ZFP14: variants seen among roughly 807,000 people sequenced by gnomAD.
ZFP14 encodes zinc finger protein 14 homolog.
ZFP14 carries 22 observed loss-of-function variants against 54.5 expected under a neutral mutation model. That is an observed-to-expected ratio of 0.40 (90% CI 0.29 to 0.58). ZFP14 has a LOEUF of 0.58. ZFP14 is among the 20% of genes least tolerant of loss of function. The pLI is 0.39. For synonymous variants in ZFP14, 159 were observed against 204.0 expected (o/e 0.78, Z 1.88); for missense variants, 470 against 637.8 (o/e 0.74, Z 2.83).
At chr19:36,346,137 T>C (rs1266715929) in intron 4 of ZFP14, among the ~76,000 whole-genome samples, 1 of 151,832 alleles carries the variant, frequency 6.6e-6, no homozygotes, top group East Asian at 1.9e-4. Context: ...TACAAAAAAT[T>C]AGCCAGGCAT....
intron 1 of ZFP14, among the ~76,000 whole-genome samples, chr19:36,368,853 A>AT (rs370601085): frequency 1.8e-3 from 277 of 151,364 alleles, no homozygotes; most frequent in African/African-American, 6.5e-3. Flanking sequence ...TTATTGATTA[A>AT]TTTTTTTTTA....
chr19:36,360,512 T>A lies in ZFP14; in HGVS notation c.158A>T (p.Asp53Val). The change falls in exon 4 of 5, where the codon GAT becomes GTT. Residue 53 changes from aspartate to valine, a missense_variant. Physicochemically the swap from Asp to Val is radical, Grantham distance 152 (BLOSUM62 -3). Coordinates refer to ENST00000270001, the MANE Select transcript of ZFP14 (RefSeq NM_020917.3). ...TTCTTCATCCAATAAGGTAATCACA[T>A]CTGGTTTAGAAATGGAAGGTCCTGC... The part of the protein sequence containing the change: ...ISLGPSISKP[D>V]VITLLDEERK... 3.1e-6 allele frequency: 5 copies of A among 1,613,280 alleles called. No individual in the cohort carries two copies. Among genetic ancestry groups the A allele is most frequent in the Non-Finnish European group, 4.2e-6 (5 of 1,179,562 alleles).
rs778843600 is a variant in ZFP14 at position 36,341,503 on chromosome 19, C to T, written c.323G>A (p.Arg108Lys). ...IYSFQWDIME[R>K]IKSYSLQGSI... ...ACCCTGAAGGCTATAGCTTTTAATT[C>T]TTTCCATTATATCCCACTGAAATGA... Residue 108 changes from arginine (R) to lysine (K), a missense_variant, in exon 5 of 5, where the codon AGA (arginine) becomes AAA (lysine). Transcript: ENST00000270001. This position sits in a 1 kb window ranked among gnomAD's most constrained non-coding sequence, Gnocchi z 4.2. 61 of 1,613,318 alleles carry T rather than the reference C, an allele frequency of 3.8e-5. No homozygotes were observed. The highest frequency in any genetic ancestry group is 4.8e-5 in the Non-Finnish European group (57 of 1,179,894).
At position 36,364,994 on chromosome 19, in the gene ZFP14, C is replaced by CTTTTTTTT. The variant is rs398034482; in HGVS notation, c.10-2764_10-2757dup. Among the ~76,000 whole-genome samples, 46 of 61,986 alleles carry CTTTTTTTT rather than the reference C, an allele frequency of 7.4e-4. 1 individual carries two copies. Among genetic ancestry groups the CTTTTTTTT allele is most frequent in the East Asian group, 1.6e-3 (3 of 1,926 alleles). 40.7% of individuals were successfully genotyped at this position (61,986 alleles called of 152,430 possible). On this transcript the variant is annotated intron_variant, in intron 2 of 4. Coordinates refer to ENST00000270001, the MANE Select transcript of ZFP14 (RefSeq NM_020917.3). ...TTTGCTTTCTTTCCTTTTTCTTTTT[C>CTTTTTTTT]TTTTTTTTTTTTTTTTTTTTTTTTT...
intron 4 of ZFP14, among the ~76,000 whole-genome samples, chr19:36,349,359 G>A (rs541327578): frequency 8.2e-5 from 12 of 146,170 alleles, no homozygotes; most frequent in South Asian, 6.5e-4. Context: ...TTCCCTTAAC[G>A]CCCTTTGAAA....
chr19:36,339,871 C>T lies in ZFP14; in HGVS notation c.*353G>A, dbSNP rs539072891. 105 of 170,026 alleles carry T rather than the reference C, an allele frequency of 6.2e-4. No individual in the cohort carries two copies. The highest frequency in any genetic ancestry group is 4.6e-3 in the Admixed American group (79 of 17,336). The allele number at this position is 170,026 out of a possible 1,614,324, so 10.5% of individuals were successfully genotyped here. On this transcript the variant is annotated 3_prime_UTR_variant, in exon 5 of 5. Coordinates refer to ENST00000270001, the MANE Select transcript of ZFP14 (RefSeq NM_020917.3). The stretch of plus-strand genomic sequence containing the variant: ...CTACTAAGTCTGTGGTAATTTATTA[C>T]GCAGCAATAAATAACTAATACATAT...
At chr19:36,371,971 A>AGAAGGAAGGAGG (rs2031883460) in intron 1 of ZFP14, among the ~76,000 whole-genome samples, 3 of 101,662 alleles carry the variant, frequency 3.0e-5, no homozygotes, top group African/African-American at 1.1e-4. Flanking sequence ...AAGGGAGATA[A>AGAAGGAAGGAGG]GAAGGAAGGA....
In ZFP14 at chr19:36,340,773, T is replaced by C; in HGVS notation, c.1053A>G (p.Ile351Met). Residue 351 changes from isoleucine (I) to methionine (M), a missense_variant, in exon 5 of 5, where the codon ATA becomes ATG. By Grantham distance (10) the Ile-to-Met change is conservative. Transcript: ENST00000270001. This position sits in a 1 kb window ranked among gnomAD's most constrained non-coding sequence, Gnocchi z 5.4. ...TCTGATGAACAGTAAGTTGTTGGCATATTCTAAAAGCCTTTCCACACTCCT... is the reference window on the plus strand; with the variant it reads ...TCTGATGAACAGTAAGTTGTTGGCACATTCTAAAAGCCTTTCCACACTCCT... The part of the protein sequence containing the change: ...ECKECGKAFR[I>M]CQQLTVHQSI... 6.2e-7 allele frequency: 1 copy of C among 1,613,746 alleles called. No individual in the cohort carries two copies. Among genetic ancestry groups the C allele is most frequent in the Non-Finnish European group, 8.5e-7 (1 of 1,179,920 alleles).
chr19:36,353,614 G>A (rs2031565065), intron 4 of ZFP14, among the ~76,000 whole-genome samples: 1 of 133,266 alleles, frequency 7.5e-6, no homozygotes, highest in Non-Finnish European at 1.6e-5. Context: ...CAGGACAATC[G>A]CTTGAACCAG....
chr19:36,344,534 T>C (rs907712476), intron 4 of ZFP14, among the ~76,000 whole-genome samples: 1 of 152,054 alleles, frequency 6.6e-6, no homozygotes, highest in East Asian at 1.9e-4. Flanking sequence ...AATTAATAGG[T>C]ATATCTGCCT....
At position 36,367,948 on chromosome 19, in the gene ZFP14, C is replaced by T. The variant is rs878937821; in HGVS notation, c.-56G>A. 3.8e-6 allele frequency: 6 copies of T among 1,581,304 alleles called. No individual in the cohort carries two copies. In the South Asian group the frequency reaches 5.9e-5, roughly 16 times the overall value. ...TTTTCAAGATTTCTCTGTTGGAGAACTATGGAGTCCTGATAAGCCAGAGCT... is the reference window on the plus strand; with the variant it reads ...TTTTCAAGATTTCTCTGTTGGAGAATTATGGAGTCCTGATAAGCCAGAGCT... On this transcript the variant is annotated 5_prime_UTR_variant, in exon 2 of 5. Transcript: ENST00000270001.
intron 4 of ZFP14, among the ~76,000 whole-genome samples, chr19:36,358,255 C>T (rs1408044370): frequency 2.6e-5 from 4 of 151,822 alleles, no homozygotes; most frequent in Admixed American, 2.0e-4. Flanking sequence ...GGATTACAGG[C>T]GTGCGCCACT....
intron 4 of ZFP14, among the ~76,000 whole-genome samples, chr19:36,349,679 A>T (rs112433710): frequency 7.9e-6 from 1 of 126,852 alleles, no homozygotes; most frequent in African/African-American, 2.7e-5. Flanking sequence ...AACAAAAAAA[A>T]AATATATATA....
At chr19:36,357,677 C>T (rs576203386) in intron 4 of ZFP14, among the ~76,000 whole-genome samples, 34 of 151,942 alleles carry the variant, frequency 2.2e-4, no homozygotes, top group African/African-American at 7.5e-4. Context: ...GTGTTTTGTT[C>T]GGTAATCTTT....
chr19:36,369,991 T>C (rs2031856191), intron 1 of ZFP14, among the ~76,000 whole-genome samples: 4 of 152,118 alleles, frequency 2.6e-5, no homozygotes, highest in Non-Finnish European at 1.5e-5. Flanking sequence ...GGCACCACCA[T>C]GCCCAGCTAA....
At chr19:36,355,943 C>CA (rs905108511) in intron 4 of ZFP14, among the ~76,000 whole-genome samples, 7 of 140,996 alleles carry the variant, frequency 5.0e-5, no homozygotes, top group African/African-American at 1.8e-4. Flanking sequence ...AGTCACCGAT[C>CA]AAAAAAAAGA....
At chr19:36,365,020 T>TTTTTTTTTTG (rs1568472463) in intron 2 of ZFP14, among the ~76,000 whole-genome samples, 3 of 121,594 alleles carry the variant, frequency 2.5e-5, no homozygotes, top group African/African-American at 1.0e-4. Flanking sequence ...TTTTTTTTTT[T>TTTTTTTTTTG]TTTGACAGGG....
chr19:36,372,307 GT>G (rs200927819), intron 1 of ZFP14, among the ~76,000 whole-genome samples: 24 of 146,706 alleles, frequency 1.6e-4, no homozygotes, highest in African/African-American at 3.2e-4. Context: ...AAAATTAAGA[GT>G]TTTTTTTTTG....
intron 4 of ZFP14, among the ~76,000 whole-genome samples, chr19:36,358,894 A>AT (rs2031664441): frequency 1.3e-5 from 2 of 152,080 alleles, no homozygotes; most frequent in Non-Finnish European, 2.9e-5. Flanking sequence ...GAGTTAATCG[A>AT]TTAATGGGTT....
Sources: gnomAD v4.1 joint callset for allele counts (sites outside exome capture counted in the v4.1 genomes callset) on GRCh38, gnomAD v4.1.1 for gene constraint, Gnocchi (gnomAD v3.1) non-coding constraint, MANE v1.5 for transcripts, NCBI Gene and HGNC (gene_info 2026-07-23, HGNC 2026-07-21) for gene names.